CNTN4: variants seen among roughly 807,000 people sequenced by gnomAD.
CNTN4 encodes contactin 4.
A neutral mutation model predicts 122.5 loss-of-function variants in CNTN4; 77 were observed. The ratio of observed to expected loss-of-function variants is 0.63; its 90% CI spans 0.52 to 0.76. The LOEUF (loss-of-function observed/expected upper bound fraction) is 0.76, where lower values mean the gene tolerates loss of function less well. Among genes scored for constraint, CNTN4 ranks in the 30% least tolerant of loss-of-function variants. CNTN4 has a pLI of 0.00. For missense variants in CNTN4, 1,256 were observed against 1,259.1 expected (o/e 1.00, Z 0.04); for synonymous variants, 512 against 447.0 (o/e 1.15, Z -1.83).
At chr3:2,104,971 A>G (rs1298784374) in intron 2 of CNTN4, among the ~76,000 whole-genome samples, 1 of 152,172 alleles carries the variant, frequency 6.6e-6, no homozygotes, top group Non-Finnish European at 1.5e-5. Flanking sequence ...TTCCCATTTA[A>G]GGATTGGAGC....
chr3:2,767,635 C>T (rs918229526), intron 6 of CNTN4, among the ~76,000 whole-genome samples: 16 of 152,158 alleles, frequency 1.1e-4, no homozygotes, highest in Non-Finnish European at 2.9e-5. Context: ...GGAAAATGCA[C>T]AGCCGATTAG....
intron 3 of CNTN4, among the ~76,000 whole-genome samples, chr3:2,374,211 G>A (rs993838021): frequency 6.6e-6 from 1 of 152,146 alleles, no homozygotes; most frequent in African/African-American, 2.4e-5. Context: ...ATTGTGGAAT[G>A]AATTGGCTTG....
At chr3:2,504,213 C>T (rs895346537) in intron 3 of CNTN4, among the ~76,000 whole-genome samples, 13 of 152,032 alleles carry the variant, frequency 8.6e-5, no homozygotes, top group African/African-American at 2.2e-4. Context: ...AGGGATGTCT[C>T]GTTTTCAGTT....
chr3:2,252,402 A>T lies in CNTN4; in HGVS notation c.-144-86776A>T, dbSNP rs768538838. 6.6e-4 allele frequency among the ~76,000 whole-genome samples: 99 copies of T among 150,858 alleles called. 1 individual carries two copies. The highest frequency in any genetic ancestry group is 1.1e-3 in the South Asian group (5 of 4,548). On this transcript the variant is annotated intron_variant, in intron 2 of 24. Transcript: ENST00000418658. Reference sequence around the variant, plus strand: ...TATAACGTTTTTGATATTTCTAAACATGTTTCCAAAAATCTGAATTTACAC... The same window carrying T: ...TATAACGTTTTTGATATTTCTAAACTTGTTTCCAAAAATCTGAATTTACAC...
intron 3 of CNTN4, among the ~76,000 whole-genome samples, chr3:2,359,313 T>C (rs144816919): frequency 6.6e-6 from 1 of 151,998 alleles, no homozygotes; most frequent in East Asian, 1.9e-4. Context: ...CAACGTATAA[T>C]GTACAACATA....
At chr3:2,494,681 G>A (rs1456081841) in intron 3 of CNTN4, among the ~76,000 whole-genome samples, 1 of 152,146 alleles carries the variant, frequency 6.6e-6, no homozygotes, top group Non-Finnish European at 1.5e-5. Context: ...GCTTTTCGGG[G>A]TCATTTCAAA....
chr3:2,966,500 G>A (rs1187505759), intron 13 of CNTN4, among the ~76,000 whole-genome samples: 2 of 152,118 alleles, frequency 1.3e-5, no homozygotes, highest in Non-Finnish European at 2.9e-5. Flanking sequence ...TGGAAAAGGG[G>A]TGATAGTTAA....
intron 4 of CNTN4, among the ~76,000 whole-genome samples, chr3:2,681,518 A>G (rs2085164522): frequency 6.6e-6 from 1 of 152,094 alleles, no homozygotes; most frequent in Non-Finnish European, 1.5e-5. Flanking sequence ...AGTAGATGCC[A>G]CTCACTGGCC....
At chr3:2,269,794 C>G (rs1178164581) in intron 2 of CNTN4, among the ~76,000 whole-genome samples, 7 of 152,102 alleles carry the variant, frequency 4.6e-5, no homozygotes, top group Non-Finnish European at 1.0e-4. Context: ...AAATGAAACT[C>G]AGTAGTTCAT....
At chr3:2,471,934 T>C (rs537569280) in intron 3 of CNTN4, among the ~76,000 whole-genome samples, 1 of 152,302 alleles carries the variant, frequency 6.6e-6, no homozygotes, top group East Asian at 1.9e-4. Context: ...AAATGTGATC[T>C]GAGTAATTTT....
chr3:2,937,426 C>A (rs537832102), intron 13 of CNTN4, among the ~76,000 whole-genome samples: 1 of 152,140 alleles, frequency 6.6e-6, no homozygotes, highest in Non-Finnish European at 1.5e-5. Flanking sequence ...GATACCTGGT[C>A]ATCTTCCCCA....
chr3:2,720,040 A>G (rs2087744833), intron 4 of CNTN4, among the ~76,000 whole-genome samples: 2 of 152,166 alleles, frequency 1.3e-5, no homozygotes, highest in South Asian at 2.1e-4. Context: ...TCAAGTGTCT[A>G]TCTTCTAAGA....
chr3:2,288,519 A>G (rs749319094), intron 2 of CNTN4, among the ~76,000 whole-genome samples: 1 of 152,122 alleles, frequency 6.6e-6, no homozygotes, highest in South Asian at 2.1e-4. Flanking sequence ...TCCTTGCAAC[A>G]TTGAGGATCG....
In CNTN4 at chr3:2,694,087, C is replaced by T. The variant is rs934185399; in HGVS notation, c.56-42128C>T. Among the ~76,000 whole-genome samples the T allele has an allele frequency of 5.3e-5, 8 of 152,236 alleles. No homozygotes were observed. In the South Asian group the frequency reaches 1.7e-3, roughly 32 times the overall value. On this transcript the variant is annotated intron_variant, in intron 4 of 24. Coordinates refer to ENST00000418658, the MANE Select transcript of CNTN4 (RefSeq NM_175607.3). Reference sequence around the variant, plus strand: ...GTCCTCATACTTTCCTGCTAGGATGCCTTTGCCCAAGTCTTTGCCTGTTTC... The same window carrying T: ...GTCCTCATACTTTCCTGCTAGGATGTCTTTGCCCAAGTCTTTGCCTGTTTC...
chr3:2,239,586 C>T (rs1000331730), intron 2 of CNTN4, among the ~76,000 whole-genome samples: 2 of 152,114 alleles, frequency 1.3e-5, no homozygotes, highest in African/African-American at 2.4e-5. Flanking sequence ...TATTTATAGT[C>T]AGTGAGATGA....
intron 2 of CNTN4, among the ~76,000 whole-genome samples, chr3:2,298,586 G>T (rs2042394131): frequency 6.6e-6 from 1 of 152,050 alleles, no homozygotes; most frequent in African/African-American, 2.4e-5. Flanking sequence ...CAATTTAATA[G>T]AGAATGAATT....
chr3:2,578,511 T>G (rs555822187), intron 4 of CNTN4, among the ~76,000 whole-genome samples: 8 of 152,202 alleles, frequency 5.3e-5, no homozygotes, highest in African/African-American at 1.4e-4. Context: ...TCTCACATTT[T>G]CCCCCAGAAT....
rs2093728716 is a variant in CNTN4, at chr3:2,866,757, A to G, written c.460A>G (p.Ser154Gly). Residue 154 changes from serine (S) to glycine (G), a missense_variant, in exon 8 of 25, where the codon AGT (serine) becomes GGT (glycine). Ser to Gly is a moderately conservative substitution (Grantham distance 56). Coordinates refer to ENST00000418658, the MANE Select transcript of CNTN4 (RefSeq NM_175607.3). ...CGPPPHSGEL[S>G]YAWIFNEYPS... Reference sequence around the variant, plus strand: ...GAAGATTTTTTTCCTTTCAGAGCTGAGTTATGCCTGGATCTTCAATGAATA... The same window carrying G: ...GAAGATTTTTTTCCTTTCAGAGCTGGGTTATGCCTGGATCTTCAATGAATA... 6.2e-7 allele frequency: 1 copy of G among 1,613,774 alleles called. No individual in the cohort carries two copies. The highest frequency in any genetic ancestry group is 1.3e-5 in the African/African-American group (1 of 75,024).
intron 3 of CNTN4, among the ~76,000 whole-genome samples, chr3:2,426,630 G>A (rs2047844807): frequency 6.6e-6 from 1 of 152,126 alleles, no homozygotes; most frequent in African/African-American, 2.4e-5. Flanking sequence ...GATTGGAATA[G>A]TTTCAGAAGG....
Sources: allele counts gnomAD v4.1 joint callset (sites outside exome capture counted in the v4.1 genomes callset), GRCh38; gene constraint gnomAD v4.1.1; transcripts MANE v1.5; gene names NCBI Gene and HGNC (gene_info 2026-07-23, HGNC 2026-07-21).